TRAPPC9: variants seen among roughly 807,000 people sequenced by gnomAD.
TRAPPC9 encodes the protein trafficking protein particle complex subunit 9.
Under a neutral mutation model 124.0 loss-of-function variants are expected in TRAPPC9, and 83 were observed. The observed-to-expected ratio is 0.67, with a 90% CI of 0.56 to 0.80. The LOEUF (loss-of-function observed/expected upper bound fraction) is 0.80, where lower values mean the gene tolerates loss of function less well. Ranked by LOEUF, TRAPPC9 falls within the 30% of genes least tolerant of loss-of-function variation. TRAPPC9 has a pLI of 0.00. For synonymous variants in TRAPPC9, 638 were observed against 617.5 expected (o/e 1.03, Z -0.49); for missense variants, 1,302 against 1,508.3 (o/e 0.86, Z 2.27).
At chr8:139,946,830 A>G (rs991507922) in intron 19 of TRAPPC9, among the ~76,000 whole-genome samples, 2 of 151,442 alleles carry the variant, frequency 1.3e-5, no homozygotes, top group Non-Finnish European at 2.9e-5. Context: ...AATTTAAAAA[A>G]AAAAAAATTA....
chr8:139,810,907 C>A (rs1824398247), intron 21 of TRAPPC9, among the ~76,000 whole-genome samples: 1 of 152,172 alleles, frequency 6.6e-6, no homozygotes, highest in African/African-American at 2.4e-5. Flanking sequence ...GTGAAGCCCA[C>A]CAGTCAGCCA....
intron 17 of TRAPPC9, among the ~76,000 whole-genome samples, chr8:140,027,803 C>T (rs977556979): frequency 9.2e-5 from 14 of 152,046 alleles, no homozygotes; most frequent in South Asian, 8.3e-4. Flanking sequence ...TCTTACATGG[C>T]GGCAGGAGAA....
chr8:140,239,311 A>G (rs915965307), intron 16 of TRAPPC9, among the ~76,000 whole-genome samples: 2 of 152,180 alleles, frequency 1.3e-5, no homozygotes, highest in African/African-American at 2.4e-5. Flanking sequence ...GACCGAGCCT[A>G]GGAACAAAGT....
intron 17 of TRAPPC9, among the ~76,000 whole-genome samples, chr8:140,106,552 G>A (rs969781866): frequency 6.6e-6 from 1 of 152,170 alleles, no homozygotes; most frequent in African/African-American, 2.4e-5. Context: ...ACACATGGAG[G>A]GAGCAGACTG....
intron 9 of TRAPPC9, among the ~76,000 whole-genome samples, chr8:140,333,287 T>C (rs1330885574): frequency 6.6e-6 from 1 of 152,210 alleles, no homozygotes; most frequent in African/African-American, 2.4e-5. Context: ...TTTCCAAGAT[T>C]TCTAAAGGAA....
intron 17 of TRAPPC9, among the ~76,000 whole-genome samples, chr8:140,116,332 T>G (rs926728201): frequency 2.0e-5 from 3 of 152,076 alleles, no homozygotes; most frequent in Non-Finnish European, 4.4e-5. Flanking sequence ...ATGGCCAACT[T>G]TCGGAGGCAG....
chr8:139,836,428 G>A (rs913540149), intron 21 of TRAPPC9, among the ~76,000 whole-genome samples: 1 of 150,002 alleles, frequency 6.7e-6, no homozygotes, highest in African/African-American at 2.5e-5. Context: ...TTCTCCCCAG[G>A]GGCAAGTGCA....
In TRAPPC9 at chr8:139,885,892, C is replaced by T. The variant is rs1232369536; in HGVS notation, c.3042G>A (p.Ala1014=). Residue 1014 remains alanine (A), a synonymous_variant, in exon 21 of 23, where the codon GCG becomes GCA. Coordinates refer to ENST00000438773, the MANE Select transcript of TRAPPC9 (RefSeq NM_001160372.4). The part of the protein sequence containing the change: ...NQLVLEHLQL[A]PLQWDVLVDG... ...GCGGGTACTCACCCCACTGCAGAGGCGCCAGCTGCAGGTGCTCCAGGACGA... is the reference window on the plus strand; with the variant it reads ...GCGGGTACTCACCCCACTGCAGAGGTGCCAGCTGCAGGTGCTCCAGGACGA... 3 of 1,565,142 alleles carry T rather than the reference C, an allele frequency of 1.9e-6. No homozygotes were observed. Among genetic ancestry groups the T allele is most frequent in the East Asian group, 4.7e-5 (2 of 42,352 alleles).
At chr8:139,967,184 C>T (rs546710385) in intron 19 of TRAPPC9, among the ~76,000 whole-genome samples, 35 of 152,282 alleles carry the variant, frequency 2.3e-4, no homozygotes, top group African/African-American at 8.4e-4. Context: ...CACAGGCCAC[C>T]TGCAAGCAGA....
chr8:140,368,774 C>T (rs1260275097), intron 8 of TRAPPC9, among the ~76,000 whole-genome samples: 1 of 152,214 alleles, frequency 6.6e-6, no homozygotes, highest in African/African-American at 2.4e-5. Flanking sequence ...CTCACTCAGT[C>T]TGCGTTTTCT....
intron 17 of TRAPPC9, chr8:140,095,007 C>T (rs1051537765): frequency 6.6e-6 from 1 of 152,158 alleles, no homozygotes; most frequent in Non-Finnish European, 1.5e-5. Context: ...ATGCATAACC[C>T]AAGTCTGATT....
At chr8:139,740,650 C>G (rs4736299) in intron 21 of TRAPPC9, among the ~76,000 whole-genome samples, 113,022 of 152,216 alleles carry the variant, frequency 0.74, 44,405 homozygotes, top group East Asian at 0.89. Context: ...TCCGGGAGCC[C>G]TGTCCTGGAG....
rs941605220 is a variant in TRAPPC9 at position 140,103,099 on chromosome 8, C to G, written c.2557-79020G>C. Among the ~76,000 whole-genome samples the G allele has an allele frequency of 9.9e-5, 15 of 152,148 alleles. 1 individual carries two copies. The highest frequency in any genetic ancestry group is 9.2e-4 in the Admixed American group (14 of 15,278). On this transcript the variant is annotated intron_variant, in intron 17 of 22. Coordinates refer to ENST00000438773, the MANE Select transcript of TRAPPC9 (RefSeq NM_001160372.4). ...CCGCTCCCCACTCCCACAGCACAGA[C>G]GAGAGGACCGAGGGATGGGAGGTAA...
chr8:140,168,078 C>T (rs1224894875), intron 17 of TRAPPC9, among the ~76,000 whole-genome samples: 1 of 152,204 alleles, frequency 6.6e-6, no homozygotes, highest in Non-Finnish European at 1.5e-5. Context: ...ACTCCCCAAA[C>T]CCCAGCTTTC....
At chr8:139,748,346 G>A (rs1168729816) in intron 21 of TRAPPC9, among the ~76,000 whole-genome samples, 20 of 122,488 alleles carry the variant, frequency 1.6e-4, no homozygotes, top group Middle Eastern at 4.4e-3. Context: ...AAGATGCAGG[G>A]GGTACACACA....
chr8:140,458,249 G>A (rs537390472), upstream of TRAPPC9: 19 of 1,551,518 alleles, frequency 1.2e-5, no homozygotes, highest in African/African-American at 2.3e-4. Context: ...GGCGCAGCTG[G>A]AAGGAGGCCC....
intron 17 of TRAPPC9, among the ~76,000 whole-genome samples, chr8:140,031,490 A>G (rs1030540219): frequency 2.0e-5 from 3 of 152,240 alleles, no homozygotes. Context: ...AAAGACCTCA[A>G]TTGAACCTGT....
At chr8:140,223,292 T>C (rs530980807) in intron 16 of TRAPPC9, among the ~76,000 whole-genome samples, 1 of 152,306 alleles carries the variant, frequency 6.6e-6, no homozygotes, top group South Asian at 2.1e-4. Flanking sequence ...GCTCCTGCGT[T>C]AGTTTGCTGA....
chr8:140,132,542 C>T (rs2130716815), intron 17 of TRAPPC9, among the ~76,000 whole-genome samples: 1 of 152,306 alleles, frequency 6.6e-6, no homozygotes, highest in African/African-American at 2.4e-5. Flanking sequence ...ATCAAGCCCA[C>T]CAACGCAGAG....
Sources: gnomAD v4.1 joint callset for allele counts (sites outside exome capture counted in the v4.1 genomes callset) on GRCh38, gnomAD v4.1.1 for gene constraint, MANE v1.5 for transcripts, NCBI Gene and HGNC (gene_info 2026-07-23, HGNC 2026-07-21) for gene names.